Variants in ESRRG observed in about 807,000 individuals in gnomAD.
ESRRG encodes estrogen-related receptor gamma.
ESRRG carries 13 observed loss-of-function variants against 44.0 expected under a neutral mutation model. The ratio of observed to expected loss-of-function variants is 0.30; its 90% CI spans 0.19 to 0.47. The LOEUF (loss-of-function observed/expected upper bound fraction) is 0.47. Ranked by LOEUF, ESRRG falls within the 20% of genes least tolerant of loss-of-function variation. The pLI, the probability that ESRRG is intolerant of heterozygous loss-of-function variation, is 1.00. For missense variants in ESRRG, 395 were observed against 580.6 expected (o/e 0.68, Z 3.29); for synonymous variants, 215 against 214.6 (o/e 1.00, Z -0.02).
At chr1:216,611,950 G>C (rs1486166086) in intron 3 of ESRRG, among the ~76,000 whole-genome samples, 1 of 152,200 alleles carries the variant, frequency 6.6e-6, no homozygotes, top group Admixed American at 6.5e-5. Flanking sequence ...GAGCAGGCAA[G>C]TGGCTGAAAC....
At chr1:217,085,586 G>T (rs1371663664) in intron 1 of ESRRG, among the ~76,000 whole-genome samples, 5 of 146,578 alleles carry the variant, frequency 3.4e-5, no homozygotes, top group Admixed American at 6.9e-5. Flanking sequence ...TACCTCCCGG[G>T]TGCAAGCCAT....
At chr1:216,733,553 C>T (rs2089284677) in intron 2 of ESRRG, among the ~76,000 whole-genome samples, 1 of 152,076 alleles carries the variant, frequency 6.6e-6, no homozygotes. Flanking sequence ...TTTTACCATA[C>T]TTAATTCATG....
chr1:216,899,264 T>C (rs969393328), intron 2 of ESRRG, among the ~76,000 whole-genome samples: 1 of 152,222 alleles, frequency 6.6e-6, no homozygotes, highest in South Asian at 2.1e-4. Context: ...TCTGGGACAC[T>C]TGGAATTTAG....
chr1:216,747,485 C>A (rs2091534570), intron 2 of ESRRG, among the ~76,000 whole-genome samples: 1 of 152,144 alleles, frequency 6.6e-6, no homozygotes, highest in Non-Finnish European at 1.5e-5. Context: ...ATCCCTCTCC[C>A]CTACCCCTAT....
chr1:216,776,826 G>A (rs898266312), intron 2 of ESRRG, among the ~76,000 whole-genome samples: 6 of 152,250 alleles, frequency 3.9e-5, no homozygotes, highest in African/African-American at 1.2e-4. Context: ...AGCCAGTGAA[G>A]GGTAGCACTG....
At chr1:217,087,422 A>G (rs1463601723) in intron 1 of ESRRG, among the ~76,000 whole-genome samples, 1 of 152,258 alleles carries the variant, frequency 6.6e-6, no homozygotes, top group South Asian at 2.1e-4. Flanking sequence ...AGATGGGAAC[A>G]TGGTACTCTC....
intron 2 of ESRRG, among the ~76,000 whole-genome samples, chr1:216,778,081 G>A (rs2093679913): frequency 1.3e-5 from 2 of 152,058 alleles, no homozygotes; most frequent in Non-Finnish European, 2.9e-5. Context: ...TTATAAAACA[G>A]ACCAAACAGA....
chr1:216,887,570 A>AT (rs2057198207), intron 2 of ESRRG, among the ~76,000 whole-genome samples: 1 of 152,156 alleles, frequency 6.6e-6, no homozygotes, highest in Non-Finnish European at 1.5e-5. Flanking sequence ...TGATTGTTTA[A>AT]TTTTTTAAAG....
intron 2 of ESRRG, among the ~76,000 whole-genome samples, chr1:216,909,969 A>G (rs2149569532): frequency 6.6e-6 from 1 of 152,316 alleles, no homozygotes; most frequent in South Asian, 2.1e-4. Flanking sequence ...GTAGAGTCAT[A>G]AAACCTGGCT....
intron 1 of ESRRG, among the ~76,000 whole-genome samples, chr1:216,717,641 G>A (rs2085187063): frequency 6.6e-6 from 1 of 151,694 alleles, no homozygotes; most frequent in African/African-American, 2.4e-5. Flanking sequence ...AATAGAAAAA[G>A]CAATTGCATA....
chr1:216,951,452 C>G (rs990467223), intron 1 of ESRRG, among the ~76,000 whole-genome samples: 4 of 152,138 alleles, frequency 2.6e-5, no homozygotes, highest in African/African-American at 9.7e-5. Context: ...TAAGCTGTCA[C>G]TCAAAAACTT....
At chr1:216,768,406 A>G (rs1451549704) in intron 2 of ESRRG, among the ~76,000 whole-genome samples, 2 of 152,118 alleles carry the variant, frequency 1.3e-5, no homozygotes, top group Non-Finnish European at 2.9e-5. Flanking sequence ...GACTGCATAT[A>G]ATTATCCTGT....
chr1:217,070,616 G>T (rs1445311291), intron 1 of ESRRG, among the ~76,000 whole-genome samples: 1 of 152,146 alleles, frequency 6.6e-6, no homozygotes, highest in Non-Finnish European at 1.5e-5. Context: ...CCTGACCTCA[G>T]GTTATCCACC....
chr1:217,021,450 A>G (rs1324429054), intron 1 of ESRRG, among the ~76,000 whole-genome samples: 1 of 152,240 alleles, frequency 6.6e-6, no homozygotes, highest in Non-Finnish European at 1.5e-5. Flanking sequence ...AGTGGCACAG[A>G]TGCCCTGCAC....
At chr1:216,962,181 A>G (rs1175840155) in intron 1 of ESRRG, among the ~76,000 whole-genome samples, 2 of 152,212 alleles carry the variant, frequency 1.3e-5, no homozygotes, top group African/African-American at 4.8e-5. Flanking sequence ...AGCGAGAGAA[A>G]GAAAGTGGTT....
At chr1:216,591,844 A>G (rs1317224502) in intron 3 of ESRRG, among the ~76,000 whole-genome samples, 3 of 152,228 alleles carry the variant, frequency 2.0e-5, no homozygotes, top group Admixed American at 6.5e-5. Context: ...CTACCTTGAC[A>G]TAAATAAATA....
At chr1:216,831,082 T>C (rs745942913) in intron 2 of ESRRG, among the ~76,000 whole-genome samples, 4 of 151,804 alleles carry the variant, frequency 2.6e-5, no homozygotes, top group Non-Finnish European at 5.9e-5. Context: ...CTGTGATCTA[T>C]ATTGGGATGC....
At chr1:216,887,726 A>G (rs1285094785) in intron 2 of ESRRG, among the ~76,000 whole-genome samples, 1 of 152,212 alleles carries the variant, frequency 6.6e-6, no homozygotes, top group Admixed American at 6.5e-5. Context: ...TCTCTCTCTG[A>G]AAAACTACAA....
At chr1:216,615,935 C>T (rs1403128949) in intron 3 of ESRRG, among the ~76,000 whole-genome samples, 1 of 152,098 alleles carries the variant, frequency 6.6e-6, no homozygotes, top group African/African-American at 2.4e-5. Context: ...ATCTGCCCGC[C>T]TCGGCCTCCC....
Sources: gnomAD v4.1 joint callset for allele counts (sites outside exome capture counted in the v4.1 genomes callset) on GRCh38, gnomAD v4.1.1 for gene constraint, MANE v1.5 for transcripts, NCBI Gene and HGNC (gene_info 2026-07-23, HGNC 2026-07-21) for gene names.